Variants in WRNIP1 observed in about 807,000 individuals in gnomAD.
The protein encoded by WRNIP1 is WRN helicase interacting protein 1.
A neutral mutation model predicts 56.1 loss-of-function variants in WRNIP1; 41 were observed. The ratio of observed to expected loss-of-function variants is 0.73; its 90% CI spans 0.57 to 0.95. The LOEUF (loss-of-function observed/expected upper bound fraction) is 0.95. Ranked by LOEUF, WRNIP1 falls within the 40% of genes least tolerant of loss-of-function variation. The probability of loss-of-function intolerance (pLI) is 0.00; values close to 1 mark genes in which losing one functional copy is unlikely to be tolerated. For missense variants in WRNIP1, 1,170 were observed against 939.4 expected (o/e 1.25, Z -3.21); for synonymous variants, 547 against 398.1 (o/e 1.37, Z -4.45).
rs572900383 is a variant in WRNIP1 at position 2,766,090 on chromosome 6, C to T, written c.468C>T (p.Ser156=). The T allele has an allele frequency of 1.2e-5, 16 of 1,314,064 alleles. No individual in the cohort carries two copies. The highest frequency in any genetic ancestry group is 3.1e-5 in the African/African-American group (2 of 64,826). 81.4% of individuals were successfully genotyped at this position (1,314,064 alleles called of 1,614,324 possible). ...AAAAGSASPR[S]WDEAEAQEEE... ...CGGCGGGGAGCGCGTCTCCGCGCAG[C>T]TGGGACGAGGCGGAGGCGCAGGAGG... is the stretch of plus-strand genomic sequence containing the variant. The change falls in exon 1 of 7, where the codon AGC becomes AGT. Residue 156 remains serine, a synonymous_variant. Transcript: ENST00000380773.
intron 3 of WRNIP1, chr6:2,773,981 A>AAGC (rs965955263): frequency 1.0e-6 from 1 of 985,206 alleles, no homozygotes; most frequent in African/African-American, 1.7e-5. Context: ...AGCCCCTGAC[A>AAGC]AGCTGGCCCC....
chr6:2,770,689 T>A (rs1484768642), intron 3 of WRNIP1, among the ~76,000 whole-genome samples: 1 of 152,234 alleles, frequency 6.6e-6, no homozygotes, highest in African/African-American at 2.4e-5. Context: ...TGAAAGGCTT[T>A]ATGTCCCTCA....
At chr6:2,766,794 G>T (rs1331580964) in intron 1 of WRNIP1, among the ~76,000 whole-genome samples, 1 of 143,664 alleles carries the variant, frequency 7.0e-6, no homozygotes, top group Non-Finnish European at 1.5e-5. Flanking sequence ...AACCGAATTC[G>T]CAAGGAATCA....
At chr6:2,773,587 G>C in intron 3 of WRNIP1, 2 of 985,386 alleles carry the variant, frequency 2.0e-6, no homozygotes, top group Non-Finnish European at 1.2e-6. Context: ...TGAAGATTCT[G>C]TCTGCTCTGG....
At chr6:2,781,294 C>T (rs1227248457) in intron 4 of WRNIP1, among the ~76,000 whole-genome samples, 2 of 152,246 alleles carry the variant, frequency 1.3e-5, no homozygotes, top group Non-Finnish European at 2.9e-5. Flanking sequence ...GTGCCGCTGC[C>T]TAGTGCCAGC....
At chr6:2,771,398 C>T (rs1051118789) in intron 3 of WRNIP1, among the ~76,000 whole-genome samples, 9 of 152,258 alleles carry the variant, frequency 5.9e-5, no homozygotes, top group African/African-American at 1.4e-4. Flanking sequence ...TTTGGAATAC[C>T]GTTGTGATGG....
chr6:2,784,563 T>C (rs3734499), intron 6 of WRNIP1, among the ~76,000 whole-genome samples, 160 bp downstream of exon 6: 27,322 of 152,128 alleles, frequency 0.18, 2,812 homozygotes, highest in East Asian at 0.37. Context: ...CTTAGACTCC[T>C]AGAGAGGGAA....
rs976528887 is a variant in WRNIP1, at chr6:2,766,024, C to G, written c.402C>G (p.Pro134=). 8.2e-5 allele frequency: 109 copies of G among 1,323,670 alleles called. No individual in the cohort carries two copies. The highest frequency in any genetic ancestry group is 9.8e-5 in the Non-Finnish European group (102 of 1,038,572). The allele number at this position is 1,323,670 out of a possible 1,614,324, so 82.0% of individuals were successfully genotyped here. ...PDFPVARSSS[P]GRKGSGKRPA... ...TCCCGGTGGCCCGCTCCAGCAGCCC[C>G]GGGAGGAAGGGGTCGGGGAAGAGGC... Residue 134 remains proline (P), a synonymous_variant, in exon 1 of 7, where the codon CCC becomes CCG. Transcript: ENST00000380773.
Position 2,765,634 on chromosome 6 carries a change from C to T in WRNIP1, c.12C>T (p.Ser4=), listed in dbSNP as rs765290746. The change falls in exon 1 of 7, where the codon AGC becomes AGT. Residue 4 remains serine, a synonymous_variant. Transcript: ENST00000380773. MEV[S]GPEDDPFLSQ... ...GGGCGGCGGCCGCCATGGAGGTGAG[C>T]GGGCCGGAAGACGACCCCTTCCTTT... 421 of 1,535,890 alleles carry T rather than the reference C, an allele frequency of 2.7e-4. No individual in the cohort carries two copies. The highest frequency in any genetic ancestry group is 3.5e-4 in the Non-Finnish European group (401 of 1,149,968).
At chr6:2,777,066 G>A (rs1765449543) in intron 3 of WRNIP1, among the ~76,000 whole-genome samples, 1 of 152,042 alleles carries the variant, frequency 6.6e-6, no homozygotes, top group African/African-American at 2.4e-5. Flanking sequence ...TGGGTGAGTG[G>A]ATCGTAAAGT....
chr6:2,765,708 C>T lies in WRNIP1; in HGVS notation c.86C>T (p.Ala29Val), dbSNP rs774137853. 9.1e-6 allele frequency: 14 copies of T among 1,545,800 alleles called. No individual in the cohort carries two copies. Among genetic ancestry groups the T allele is most frequent in the South Asian group, 1.1e-5 (1 of 87,010 alleles). ...CCCGTGTGCCAGCAGATGATGCCCG[C>T]CGCGCACATCAACTCGCACCTGGAC... ...QCPVCQQMMPAAHINSHLDRC... is the reference protein window; with the variant it reads ...QCPVCQQMMPVAHINSHLDRC... Residue 29 changes from alanine (A) to valine (V), a missense_variant, in exon 1 of 7, where the codon GCC becomes GTC. Physicochemically the swap from Ala to Val is moderately conservative, Grantham distance 64 (BLOSUM62 0). Transcript: ENST00000380773.
chr6:2,769,295 C>G (rs1765175248), intron 2 of WRNIP1, among the ~76,000 whole-genome samples: 1 of 151,800 alleles, frequency 6.6e-6, no homozygotes, highest in African/African-American at 2.4e-5. Context: ...TCTGTAACTC[C>G]AGGCTCTGTC....
At chr6:2,782,986 T>C (rs958573779) in intron 4 of WRNIP1, among the ~76,000 whole-genome samples, 1 of 152,222 alleles carries the variant, frequency 6.6e-6, no homozygotes, top group Non-Finnish European at 1.5e-5. Context: ...CCCTTGCCAC[T>C]TGGCTCTACA....
chr6:2,777,971 A>G (rs920535455), intron 3 of WRNIP1, among the ~76,000 whole-genome samples: 9 of 152,226 alleles, frequency 5.9e-5, no homozygotes, highest in African/African-American at 2.2e-4. Context: ...TGAGAGACCC[A>G]CAAGGAATAA....
Position 2,765,458 on chromosome 6 carries a change from T to C in WRNIP1, c.-165T>C. 1.2e-6 allele frequency: 1 copy of C among 837,338 alleles called. No homozygotes were observed. Among genetic ancestry groups the C allele is most frequent in the South Asian group, 5.3e-5 (1 of 19,022 alleles). The allele number at this position is 837,338 out of a possible 1,614,324, so 51.9% of individuals were successfully genotyped here. The stretch of plus-strand genomic sequence containing the variant: ...GCCGAGGGCGGGCGGACGCGGGAGC[T>C]GCGGACGTGAGGCATGAGCGGCGCC... On this transcript the variant is annotated 5_prime_UTR_variant, in exon 1 of 7. Transcript: ENST00000380773.
At chr6:2,773,634 T>G in intron 3 of WRNIP1, 1 of 985,380 alleles carries the variant, frequency 1.0e-6, no homozygotes, top group Non-Finnish European at 1.2e-6. Context: ...TGTCCATGAT[T>G]CATGATACGA....
chr6:2,785,061 G>C lies in WRNIP1; in HGVS notation c.1777G>C (p.Val593Leu). 1.2e-6 allele frequency: 2 copies of C among 1,614,156 alleles called. No homozygotes were observed. Among genetic ancestry groups the C allele is most frequent in the Non-Finnish European group, 1.7e-6 (2 of 1,180,036 alleles). ...TGCCAGAGCCCCAAAGTCCATTGAG[G>C]TGTACAGCGCCTACAACAACGTCAA... ...YFARAPKSIEVYSAYNNVKAC... is the reference protein window; with the variant it reads ...YFARAPKSIELYSAYNNVKAC... Residue 593 changes from valine (V) to leucine (L), a missense_variant, in exon 7 of 7, where the codon GTG becomes CTG. Physicochemically the swap from Val to Leu is conservative, Grantham distance 32. Coordinates refer to ENST00000380773, the MANE Select transcript of WRNIP1 (RefSeq NM_020135.3).
Position 2,765,786 on chromosome 6 carries a change from A to C in WRNIP1, c.164A>C (p.His55Pro), listed in dbSNP as rs1163312603. Residue 55 changes from histidine (H) to proline (P), a missense_variant, in exon 1 of 7, where the codon CAC becomes CCC. Physicochemically the swap from His to Pro is moderately conservative, Grantham distance 77. Coordinates refer to ENST00000380773, the MANE Select transcript of WRNIP1 (RefSeq NM_020135.3). Reference protein sequence around the residue: ...AGHAEPAAGSHRAGERAKGPS... With the variant: ...AGHAEPAAGSPRAGERAKGPS... Reference sequence around the variant, plus strand: ...CACGCGGAGCCCGCGGCCGGGTCGCACCGCGCCGGGGAGCGGGCCAAGGGG... The same window carrying C: ...CACGCGGAGCCCGCGGCCGGGTCGCCCCGCGCCGGGGAGCGGGCCAAGGGG... 2 of 1,431,818 alleles carry C rather than the reference A, an allele frequency of 1.4e-6. No individual in the cohort carries two copies. Among genetic ancestry groups the C allele is most frequent in the South Asian group, 1.4e-5 (1 of 72,202 alleles). 88.7% of individuals were successfully genotyped at this position (1,431,818 alleles called of 1,614,324 possible). A position where few individuals can be genotyped will look rare whatever the true frequency, so the allele number is the denominator to read the frequency against.
intron 3 of WRNIP1, 142 bp from the exon 4 acceptor site, chr6:2,779,121 C>T: frequency 2.4e-6 from 2 of 826,038 alleles, no homozygotes; most frequent in Middle Eastern, 2.6e-4. Flanking sequence ...GATGCTTAAG[C>T]ACATTGACAA....
Sources: allele counts gnomAD v4.1 joint callset (sites outside exome capture counted in the v4.1 genomes callset), GRCh38; gene constraint gnomAD v4.1.1; transcripts MANE v1.5; gene names NCBI Gene and HGNC (gene_info 2026-07-23, HGNC 2026-07-21).